The following GYG2 variants were observed in gnomAD, a reference collection of about 807,000 sequenced individuals.
GYG2 encodes glycogenin 2, also known as glycogenin-2.
A neutral mutation model predicts 29.4 loss-of-function variants in GYG2; 29 were observed. The observed-to-expected ratio is 0.99, with a 90% CI of 0.74 to 1.35. GYG2 has a LOEUF of 1.35. GYG2 is among the 40% of genes most tolerant of loss of function. GYG2 has a pLI of 0.00. For missense variants in GYG2, 370 were observed against 385.7 expected (o/e 0.96, Z 0.34); for synonymous variants, 167 against 172.3 (o/e 0.97, Z 0.24).
At chrX:2,879,894 A>G (rs1012635457) in intron 10 of GYG2, among the ~76,000 whole-genome samples, 2 of 111,106 alleles carry the variant, frequency 1.8e-5, no homozygotes, top group Admixed American at 1.9e-4. Flanking sequence ...TTATTGATAA[A>G]TAGAATGGAT....
intron 3 of GYG2, among the ~76,000 whole-genome samples, chrX:2,844,011 T>C (rs1027463576): frequency 2.7e-5 from 3 of 112,224 alleles, no homozygotes; most frequent in Non-Finnish European, 5.6e-5. Context: ...AGCAAATACA[T>C]AAATAAATGC....
intron 3 of GYG2, among the ~76,000 whole-genome samples, chrX:2,845,227 G>A (rs140038599): frequency 1 from 2 of 2 alleles, 1 homozygote; most frequent in Non-Finnish European, 1. Flanking sequence ...TTATATACAC[G>A]TGTGTATGTA....
chrX:2,877,072 C>T (rs912788014), intron 9 of GYG2, 128 bp from the exon 10 acceptor site: 21 of 913,177 alleles, frequency 2.3e-5, no homozygotes, highest in East Asian at 7.0e-5. Context: ...CATGAGCCAC[C>T]GCGCCTGGCC....
chrX:2,877,123 A>C, intron 9 of GYG2, 77 bp from the exon 10 acceptor site: 1 of 1,157,018 alleles, frequency 8.6e-7, no homozygotes, highest in Non-Finnish European at 1.2e-6. Context: ...CAGGATAAAG[A>C]GTTCTCCATC....
chrX:2,838,877 A>C (rs1344073596), intron 2 of GYG2, among the ~76,000 whole-genome samples: 1 of 111,961 alleles, frequency 8.9e-6, no homozygotes, highest in Non-Finnish European at 1.9e-5. Flanking sequence ...ATCTTTTGAA[A>C]GAATACTAAT....
chrX:2,880,678 CA>C (rs1359993307), intron 10 of GYG2, among the ~76,000 whole-genome samples: 1 of 111,502 alleles, frequency 9.0e-6, no homozygotes, highest in Non-Finnish European at 1.9e-5. Flanking sequence ...GAGGCCAAGG[CA>C]AGAGGATTGC....
At chrX:2,857,334 ATATC>A (rs2088038803) in intron 6 of GYG2, among the ~76,000 whole-genome samples, 2 of 109,836 alleles carry the variant, frequency 1.8e-5, no homozygotes, top group Non-Finnish European at 1.9e-5. Flanking sequence ...ATAGATACCT[ATATC>A]TATCTATCTA....
intron 8 of GYG2, among the ~76,000 whole-genome samples, chrX:2,863,988 G>T (rs2088237208): frequency 8.9e-6 from 1 of 111,959 alleles, no homozygotes; most frequent in South Asian, 3.8e-4. Context: ...AAACCAAAGA[G>T]TATCCAAGAA....
intron 3 of GYG2, among the ~76,000 whole-genome samples, chrX:2,843,874 T>G (rs1216370800): frequency 3.6e-5 from 4 of 111,929 alleles, no homozygotes; most frequent in Non-Finnish European, 3.8e-5. Context: ...ACTCCTGGAC[T>G]CACTCAGTCC....
intron 3 of GYG2, chrX:2,853,741 C>T (rs774174869): frequency 7.1e-4 from 251 of 351,298 alleles, no homozygotes; most frequent in South Asian, 4.3e-3. Context: ...AGTGGGGTTT[C>T]ACACCATTGG....
intron 8 of GYG2, among the ~76,000 whole-genome samples, chrX:2,871,927 A>T (rs2088481271): frequency 9.0e-6 from 1 of 111,643 alleles, no homozygotes; most frequent in Admixed American, 9.6e-5. Context: ...ATAGCCCATA[A>T]TGCAAAGGAG....
chrX:2,858,350 C>G, intron 6 of GYG2, among the ~76,000 whole-genome samples: 1 of 111,382 alleles, frequency 9.0e-6, no homozygotes, highest in Non-Finnish European at 1.9e-5. Flanking sequence ...CCGCTAGTCT[C>G]AGCTACTCGG....
At chrX:2,844,379 G>A (rs935500213) in intron 3 of GYG2, among the ~76,000 whole-genome samples, 2 of 111,319 alleles carry the variant, frequency 1.8e-5, no homozygotes, top group Admixed American at 9.6e-5. Context: ...CCTATACAAA[G>A]CAAAGACAGC....
chrX:2,869,137 A>G (rs960153974), intron 8 of GYG2, among the ~76,000 whole-genome samples: 1 of 112,249 alleles, frequency 8.9e-6, no homozygotes, highest in Non-Finnish European at 1.9e-5. Context: ...TGGGGAAACA[A>G]AATTGCATCT....
intron 4 of GYG2, 57 bp downstream of exon 4, chrX:2,854,211 A>C (rs1172740477): frequency 4.4e-6 from 4 of 901,533 alleles, no homozygotes; most frequent in Non-Finnish European, 6.1e-6. Context: ...CTCTATCCTT[A>C]AGCAGGCTGT....
At chrX:2,833,653 G>A (rs1050802183) in intron 2 of GYG2, among the ~76,000 whole-genome samples, 2 of 111,536 alleles carry the variant, frequency 1.8e-5, no homozygotes, top group African/African-American at 6.5e-5. Flanking sequence ...AAGCCCATGC[G>A]CATGGTTATC....
chrX:2,874,279 T>C (rs1025972476), intron 8 of GYG2, among the ~76,000 whole-genome samples: 1 of 112,375 alleles, frequency 8.9e-6, no homozygotes, highest in African/African-American at 3.2e-5. Context: ...TTTCTTTCTG[T>C]GCTCCTGTTC....
At position 2,861,613 on chromosome X, in the gene GYG2, C is replaced by A; in HGVS notation, c.929C>A (p.Pro310Gln). Residue 310 changes from proline to glutamine, a missense_variant, in exon 8 of 11, where the codon CCG becomes CAG. Transcript: ENST00000398806. ...CENSTPSAGV[P>Q]CANSPLGSNQ... is the part of the protein sequence containing the mutation. ...AATTCAACACCCAGTGCGGGCGTGCCGTGTGCAAATTCACCACTGGGTTCT... is the reference window on the plus strand; with the variant it reads ...AATTCAACACCCAGTGCGGGCGTGCAGTGTGCAAATTCACCACTGGGTTCT... The A allele has an allele frequency of 8.3e-7, 1 of 1,206,942 alleles. No individual in the cohort carries two copies. Among genetic ancestry groups the A allele is most frequent in the Non-Finnish European group, 1.1e-6 (1 of 892,000 alleles).
intron 3 of GYG2, among the ~76,000 whole-genome samples, chrX:2,851,452 C>T (rs1306701988): frequency 1.8e-5 from 2 of 111,780 alleles, no homozygotes. Context: ...CCTTGTTGGC[C>T]AGGCTGGTCT....
Sources: allele counts gnomAD v4.1 joint callset (sites outside exome capture counted in the v4.1 genomes callset), GRCh38; gene constraint gnomAD v4.1.1; transcripts MANE v1.5; gene names NCBI Gene and HGNC (gene_info 2026-07-23, HGNC 2026-07-21).